GALNT13: variants seen among roughly 807,000 people sequenced by gnomAD.
GALNT13 encodes the protein UDP-GalNAc:polypeptide N-acetylgalactosaminyltransferase 13.
Under a neutral mutation model 64.2 loss-of-function variants are expected in GALNT13, and 28 were observed. The observed-to-expected ratio is 0.44, with a 90% CI of 0.32 to 0.60. The LOEUF (loss-of-function observed/expected upper bound fraction) is 0.60, where lower values mean the gene tolerates loss of function less well. Ranked by LOEUF, GALNT13 falls within the 20% of genes least tolerant of loss-of-function variation. The pLI is 0.05. For missense variants in GALNT13, 577 were observed against 669.8 expected (o/e 0.86, Z 1.53); for synonymous variants, 214 against 224.6 (o/e 0.95, Z 0.42).
intron 3 of GALNT13, among the ~76,000 whole-genome samples, chr2:154,109,569 C>T (rs1607495): frequency 0.18 from 28,054 of 151,866 alleles, 4,767 homozygotes; most frequent in East Asian, 0.74. Flanking sequence ...AGAGGAAGGA[C>T]TTCAATTATT....
At chr2:153,321,990 G>GTGTA in the GALNT13 span, among the ~76,000 whole-genome samples, 1 of 151,766 alleles carries the variant, frequency 6.6e-6, no homozygotes, top group Non-Finnish European at 1.5e-5. Context: ...GTGTGTGTGT[G>GTGTA]TGTGTGTGTA....
chr2:153,107,134 G>T, the GALNT13 span, among the ~76,000 whole-genome samples: 3 of 152,064 alleles, frequency 2.0e-5, no homozygotes, highest in Non-Finnish European at 4.4e-5. Flanking sequence ...TTATATCCAG[G>T]ATTAAAATAA....
At chr2:153,845,447 C>A in the GALNT13 span, among the ~76,000 whole-genome samples, 65 of 152,322 alleles carry the variant, frequency 4.3e-4, no homozygotes, top group Middle Eastern at 0.014. Context: ...TCTTTTAAAT[C>A]ATCTGATCTT....
intron 4 of GALNT13, among the ~76,000 whole-genome samples, chr2:154,149,212 A>C (rs1683818469): frequency 6.6e-6 from 1 of 152,276 alleles, no homozygotes. Flanking sequence ...TATTTTTCTC[A>C]GGTTTATCAA....
intron 8 of GALNT13, chr2:154,287,215 G>T (rs1046206572): frequency 1.9e-5 from 25 of 1,324,968 alleles, no homozygotes; most frequent in Non-Finnish European, 2.4e-5. Flanking sequence ...TGGTGGAAAA[G>T]GCTGAGCATC....
chr2:154,205,736 A>G (rs1387986548), intron 4 of GALNT13, among the ~76,000 whole-genome samples: 1 of 152,120 alleles, frequency 6.6e-6, no homozygotes, highest in African/African-American at 2.4e-5. Flanking sequence ...TTTTAAAACC[A>G]TCAGATCTCG....
chr2:153,086,147 T>A, the GALNT13 span, among the ~76,000 whole-genome samples: 5 of 152,338 alleles, frequency 3.3e-5, no homozygotes, highest in East Asian at 9.7e-4. Flanking sequence ...TGTACTCTAT[T>A]GTATCTGGGA....
At chr2:153,391,491 AG>A in the GALNT13 span, among the ~76,000 whole-genome samples, 3 of 152,124 alleles carry the variant, frequency 2.0e-5, no homozygotes, top group Non-Finnish European at 2.9e-5. Flanking sequence ...CGAGATTGTA[AG>A]ATATTTCTAC....
intron 10 of GALNT13, among the ~76,000 whole-genome samples, chr2:154,402,583 A>G (rs1447888589): frequency 1.3e-5 from 2 of 152,240 alleles, no homozygotes; most frequent in Non-Finnish European, 2.9e-5. Flanking sequence ...TAACATATGA[A>G]TGAGTCAAAA....
At chr2:153,382,234 G>T in the GALNT13 span, among the ~76,000 whole-genome samples, 1 of 151,884 alleles carries the variant, frequency 6.6e-6, no homozygotes, top group Non-Finnish European at 1.5e-5. Flanking sequence ...CATTTTAGAT[G>T]CAGGGGGTAC....
chr2:154,295,114 T>G (rs1476057875), intron 8 of GALNT13, among the ~76,000 whole-genome samples: 1 of 152,130 alleles, frequency 6.6e-6, no homozygotes. Flanking sequence ...ACAACCATAG[T>G]GCTAATCCAT....
intron 3 of GALNT13, among the ~76,000 whole-genome samples, chr2:154,058,310 G>T (rs1700001928): frequency 6.6e-6 from 1 of 152,130 alleles, no homozygotes; most frequent in African/African-American, 2.4e-5. Context: ...ACAAATTTCT[G>T]TTGTAAAAGC....
At chr2:154,257,393 GA>G (rs1690437089) in intron 7 of GALNT13, among the ~76,000 whole-genome samples, 2 of 152,090 alleles carry the variant, frequency 1.3e-5, no homozygotes, top group Admixed American at 1.3e-4. Flanking sequence ...ATTATGATAG[GA>G]TAATTGCAGC....
the GALNT13 span, among the ~76,000 whole-genome samples, chr2:153,166,620 C>CGT: frequency 8.8e-4 from 64 of 72,664 alleles, no homozygotes; most frequent in South Asian, 5.3e-3. Flanking sequence ...TTGCCTACTG[C>CGT]ATGTGTGTGT....
chr2:153,520,843 G>C, the GALNT13 span, among the ~76,000 whole-genome samples: 1 of 152,042 alleles, frequency 6.6e-6, no homozygotes, highest in Non-Finnish European at 1.5e-5. Context: ...GTAGACAAAA[G>C]TACATGAACA....
the GALNT13 span, among the ~76,000 whole-genome samples, chr2:153,356,037 A>G: frequency 5.3e-5 from 8 of 152,202 alleles, no homozygotes; most frequent in African/African-American, 1.9e-4. Context: ...TATTTCACAG[A>G]ATAAGGATAT....
the GALNT13 span, among the ~76,000 whole-genome samples, chr2:153,371,383 A>T: frequency 6.6e-6 from 1 of 152,188 alleles, no homozygotes; most frequent in East Asian, 1.9e-4. Flanking sequence ...AAAAAAATTC[A>T]AACTATTTGC....
chr2:154,020,655 G>T (rs536483198), intron 3 of GALNT13, among the ~76,000 whole-genome samples: 6 of 151,116 alleles, frequency 4.0e-5, no homozygotes, highest in Non-Finnish European at 5.9e-5. Flanking sequence ...TAGGTTGCCT[G>T]TTCACTCTGA....
chr2:153,936,932 T>G (rs933927985), intron 2 of GALNT13, among the ~76,000 whole-genome samples: 4 of 152,068 alleles, frequency 2.6e-5, no homozygotes, highest in African/African-American at 4.8e-5. Flanking sequence ...TTAGCCAGGA[T>G]GGTCTCAATC....
Sources: allele counts gnomAD v4.1 joint callset (sites outside exome capture counted in the v4.1 genomes callset), GRCh38; gene constraint gnomAD v4.1.1; transcripts MANE v1.5; gene names NCBI Gene and HGNC (gene_info 2026-07-23, HGNC 2026-07-21).